PRPF6: variants seen among roughly 807,000 people sequenced by gnomAD.
PRPF6 encodes the protein pre-mRNA-processing factor 6.
In PRPF6, 42 loss-of-function variants were observed where a neutral mutation model predicts 118.3. The observed-to-expected ratio is 0.35, with a 90% CI of 0.28 to 0.46. The LOEUF (loss-of-function observed/expected upper bound fraction) is 0.46, where lower values mean the gene tolerates loss of function less well. Among genes scored for constraint, PRPF6 ranks in the 20% least tolerant of loss-of-function variants. PRPF6 has a pLI of 1.00. For missense variants in PRPF6, 662 were observed against 1,255.7 expected (o/e 0.53, Z 7.15); for synonymous variants, 481 against 485.1 (o/e 0.99, Z 0.11).
In PRPF6 at chr20:64,033,039, C is replaced by A; in HGVS notation, c.*46C>A. The A allele has an allele frequency of 8.7e-6, 14 of 1,611,530 alleles. No individual in the cohort carries two copies. Among genetic ancestry groups the A allele is most frequent in the Non-Finnish European group, 1.2e-5 (14 of 1,179,574 alleles). Reference sequence around the variant, plus strand: ...GTCTCCGTGGGGCAGGGTTGGGCCGCATGTGGAAGGGCTCTGAGCTGTGTC... The same window carrying A: ...GTCTCCGTGGGGCAGGGTTGGGCCGAATGTGGAAGGGCTCTGAGCTGTGTC... On this transcript the variant is annotated 3_prime_UTR_variant, in exon 21 of 21. Transcript: ENST00000266079.
At chr20:63,993,246 G>T (rs956477928) in intron 3 of PRPF6, among the ~76,000 whole-genome samples, 161 bp from the exon 4 acceptor site, 10 of 137,504 alleles carry the variant, frequency 7.3e-5, no homozygotes, top group Admixed American at 1.5e-4. Flanking sequence ...GTGTGTGTGT[G>T]TGTGTGTGTG....
intron 9 of PRPF6, among the ~76,000 whole-genome samples, chr20:64,005,278 G>A (rs1024729886): frequency 6.6e-6 from 1 of 152,180 alleles, no homozygotes; most frequent in Non-Finnish European, 1.5e-5. Flanking sequence ...ACAGAGTCCT[G>A]GGAGTCGTAA....
chr20:64,028,613 G>T lies in PRPF6; in HGVS notation c.2431+44G>T. ...TCCGGTAAGGGGGTGCCCTGACTCC[G>T]GTAAGGGGGTGCCTTGACTCCGGTA... On this transcript the variant is annotated intron_variant, in intron 18 of 20. Coordinates refer to ENST00000266079, the MANE Select transcript of PRPF6 (RefSeq NM_012469.4). The surrounding 1 kb of genome is among the most constrained non-coding windows in gnomAD (Gnocchi z 6.5). 6.3e-7 allele frequency: 1 copy of T among 1,599,488 alleles called. No individual in the cohort carries two copies. Among genetic ancestry groups the T allele is most frequent in the Non-Finnish European group, 8.5e-7 (1 of 1,173,364 alleles).
intron 9 of PRPF6, among the ~76,000 whole-genome samples, chr20:64,008,038 A>G (rs1489707050): frequency 6.6e-6 from 1 of 152,092 alleles, no homozygotes; most frequent in Non-Finnish European, 1.5e-5. Context: ...CGACCTCCCA[A>G]AGTGCTGGGA....
At chr20:64,031,021 T>G (rs2059311686) in intron 19 of PRPF6, among the ~76,000 whole-genome samples, 1 of 152,052 alleles carries the variant, frequency 6.6e-6, no homozygotes, top group South Asian at 2.1e-4. Flanking sequence ...CAGCAGCGGG[T>G]GGGGGTGCCA....
chr20:64,027,125 G>C lies in PRPF6; in HGVS notation c.2172G>C (p.Met724Ile). The change falls in exon 16 of 21, where the codon ATG (methionine) becomes ATC (isoleucine). Residue 724 changes from methionine to isoleucine, a missense_variant. This residue lies in a region of PRPF6 where 244 missense variants were observed against 383.7 expected (regional missense o/e 0.64). Coordinates refer to ENST00000266079, the MANE Select transcript of PRPF6 (RefSeq NM_012469.4). This position sits in a 1 kb window ranked among gnomAD's most constrained non-coding sequence, Gnocchi z 6.5. ...GGCAGATCGAGGAGCAGAAGGAGAT[G>C]ATGGAGAAGGCGCGGGAAGCCTATA... ...MKGQIEEQKEMMEKAREAYNQ... is the reference protein window; with the variant it reads ...MKGQIEEQKEIMEKAREAYNQ... 6.2e-7 allele frequency: 1 copy of C among 1,613,978 alleles called. No individual in the cohort carries two copies. The highest frequency in any genetic ancestry group is 8.5e-7 in the Non-Finnish European group (1 of 1,180,024).
chr20:64,022,455 A>G (rs944219207), intron 12 of PRPF6, among the ~76,000 whole-genome samples: 1 of 152,138 alleles, frequency 6.6e-6, no homozygotes, highest in East Asian at 1.9e-4. Context: ...TTACAGGCGC[A>G]TGCCACCACG....
rs1400824592 is a variant in PRPF6, at chr20:63,983,232, T to C, written c.240+17T>C. 3.1e-6 allele frequency: 5 copies of C among 1,614,160 alleles called. No individual in the cohort carries two copies. The highest frequency in any genetic ancestry group is 4.2e-6 in the Non-Finnish European group (5 of 1,180,034). ...TACGATGAGGTGAGATGTGTCCGGC[T>C]TTCGTGGCTCCTCCAGCCAGTCTCT... On this transcript the variant is annotated intron_variant, in intron 2 of 20. Coordinates refer to ENST00000266079, the MANE Select transcript of PRPF6 (RefSeq NM_012469.4).
At chr20:63,983,288 G>A in intron 2 of PRPF6, 73 bp downstream of exon 2, 1 of 1,588,642 alleles carries the variant, frequency 6.3e-7, no homozygotes, top group African/African-American at 1.3e-5. Context: ...GTGTGTGTTG[G>A]TGTCTGTAAT....
In PRPF6 at chr20:64,028,150, T is replaced by C. The variant is rs1303971006; in HGVS notation, c.2340-328T>C. ...TCAGGGTGACGGGGCTGGAGCACTG[T>C]GCAGGCACTGCCGCAGACAGGCAGC... On this transcript the variant is annotated intron_variant, in intron 17 of 20. Transcript: ENST00000266079. The surrounding 1 kb of genome is among the most constrained non-coding windows in gnomAD (Gnocchi z 6.5). 5.9e-5 allele frequency among the ~76,000 whole-genome samples: 9 copies of C among 152,310 alleles called. No individual in the cohort carries two copies. In the East Asian group the frequency reaches 1.7e-3, roughly 29 times the overall value.
chr20:64,019,216 C>T (rs1372758470), intron 12 of PRPF6, among the ~76,000 whole-genome samples: 1 of 150,796 alleles, frequency 6.6e-6, no homozygotes, highest in African/African-American at 2.4e-5. Flanking sequence ...AAGCAATTCT[C>T]CTGCCTCAGC....
At chr20:63,995,525 A>G in intron 6 of PRPF6, 43 bp downstream of exon 6, 1 of 1,611,264 alleles carries the variant, frequency 6.2e-7, no homozygotes, top group Non-Finnish European at 8.5e-7. Context: ...AGGTTTAGAC[A>G]GTTTAATTTT....
intron 12 of PRPF6, among the ~76,000 whole-genome samples, chr20:64,018,899 T>C (rs2059251067): frequency 6.6e-6 from 1 of 152,180 alleles, no homozygotes; most frequent in Non-Finnish European, 1.5e-5. Context: ...GGCTCCTCCT[T>C]TGGTCCTTGG....
At chr20:64,010,024 T>G (rs928578352) in intron 9 of PRPF6, among the ~76,000 whole-genome samples, 176 bp from the exon 10 acceptor site, 4 of 152,232 alleles carry the variant, frequency 2.6e-5, no homozygotes, top group Admixed American at 2.6e-4. Flanking sequence ...ATGCTCCGTT[T>G]GTCCTTGTTT....
rs781765222 is a variant in PRPF6 at position 64,011,511 on chromosome 20, G to A, written c.1524+8G>A. ...CGTGAGCAGTGGATCCAGGTGGGCC[G>A]CAGGCGGGTGTCGTGGTGTCTGCTT... On this transcript the variant is annotated splice_region_variant and intron_variant, in intron 11 of 20. Coordinates refer to ENST00000266079, the MANE Select transcript of PRPF6 (RefSeq NM_012469.4). The surrounding 1 kb of genome is among the most constrained non-coding windows in gnomAD (Gnocchi z 6.7). 1.6e-5 allele frequency: 26 copies of A among 1,609,352 alleles called. 1 individual carries two copies. The East Asian group carries it at 1.8e-4, about 11-fold the overall frequency.
intron 9 of PRPF6, among the ~76,000 whole-genome samples, chr20:64,004,522 G>A (rs1351816718): frequency 2.0e-5 from 3 of 152,242 alleles, no homozygotes; most frequent in East Asian, 1.9e-4. Context: ...CAGCCAGGGA[G>A]CCTGGCAGTG....
intron 6 of PRPF6, 142 bp from the exon 7 acceptor site, chr20:63,998,900 GTGT>G (rs2123018657): frequency 1.5e-6 from 1 of 660,986 alleles, no homozygotes; most frequent in South Asian, 1.6e-5. Context: ...TTATCACAAG[GTGT>G]TGTCTGAGTG....
Position 64,027,466 on chromosome 20 carries a change from A to T in PRPF6, c.2206-137A>T. 7.9e-7 allele frequency: 1 copy of T among 1,264,730 alleles called. No individual in the cohort carries two copies. 78.3% of individuals were successfully genotyped at this position (1,264,730 alleles called of 1,614,324 possible). On this transcript the variant is annotated intron_variant, in intron 16 of 20. Transcript: ENST00000266079. The surrounding 1 kb of genome is among the most constrained non-coding windows in gnomAD (Gnocchi z 6.5). ...CACACCTGTACACCCACAAATGCAGAGTGTGAGGGGTGTTTTTCCATGGAC... is the reference window on the plus strand; with the variant it reads ...CACACCTGTACACCCACAAATGCAGTGTGTGAGGGGTGTTTTTCCATGGAC...
intron 12 of PRPF6, among the ~76,000 whole-genome samples, chr20:64,018,662 C>T (rs904936493): frequency 2.0e-5 from 3 of 151,948 alleles, no homozygotes; most frequent in East Asian, 3.8e-4. Flanking sequence ...AACAGTATCT[C>T]ACTATGTTGT....
Sources: gnomAD v4.1 joint callset for allele counts (sites outside exome capture counted in the v4.1 genomes callset) on GRCh38, gnomAD v4.1.1 for gene constraint, gnomAD v4.1.1 regional missense constraint, Gnocchi (gnomAD v3.1) non-coding constraint, MANE v1.5 for transcripts, NCBI Gene and HGNC (gene_info 2026-07-23, HGNC 2026-07-21) for gene names.